GRIN3A: variants seen among roughly 807,000 people sequenced by gnomAD.
The protein encoded by GRIN3A is glutamate ionotropic receptor NMDA type subunit 3A, also known as glutamate receptor ionotropic, NMDA 3A.
Under a neutral mutation model 92.4 loss-of-function variants are expected in GRIN3A, and 47 were observed. The observed-to-expected ratio is 0.51, with a 90% CI of 0.40 to 0.65. The LOEUF (loss-of-function observed/expected upper bound fraction) is 0.65. GRIN3A is among the 30% of genes least tolerant of loss of function. GRIN3A has a pLI of 0.00. For missense variants in GRIN3A, 1,324 were observed against 1,393.1 expected (o/e 0.95, Z 0.79); for synonymous variants, 527 against 540.6 (o/e 0.97, Z 0.35).
At chr9:101,727,291 A>AT (rs1830091924) in intron 1 of GRIN3A, among the ~76,000 whole-genome samples, 1 of 152,252 alleles carries the variant, frequency 6.6e-6, no homozygotes, top group Admixed American at 6.5e-5. Flanking sequence ...AGGGAAATCC[A>AT]TAAAGTAGGA....
intron 2 of GRIN3A, among the ~76,000 whole-genome samples, chr9:101,671,393 A>C (rs566990928): frequency 6.6e-6 from 1 of 152,254 alleles, no homozygotes; most frequent in East Asian, 1.9e-4. Flanking sequence ...TAGTTAAGAG[A>C]TGTGTTAACC....
At chr9:101,620,215 C>T (rs1259401245) in intron 5 of GRIN3A, among the ~76,000 whole-genome samples, 1 of 152,106 alleles carries the variant, frequency 6.6e-6, no homozygotes, top group African/African-American at 2.4e-5. Context: ...AAGATCAGGG[C>T]AATGGTAGAT....
intron 1 of GRIN3A, among the ~76,000 whole-genome samples, chr9:101,690,940 G>A (rs1412250454): frequency 6.6e-6 from 1 of 151,980 alleles, no homozygotes; most frequent in African/African-American, 2.4e-5. Flanking sequence ...GGCCATTAAA[G>A]AGCTAAAAGT....
intron 1 of GRIN3A, among the ~76,000 whole-genome samples, chr9:101,734,908 G>A (rs1403904096): frequency 6.6e-6 from 1 of 151,890 alleles, no homozygotes; most frequent in African/African-American, 2.4e-5. Flanking sequence ...GAGGATGGTG[G>A]CTAGATTAAG....
intron 6 of GRIN3A, among the ~76,000 whole-genome samples, chr9:101,605,362 GTTT>G (rs1828265649): frequency 6.6e-6 from 1 of 152,216 alleles, no homozygotes; most frequent in Non-Finnish European, 1.5e-5. Context: ...AAATATCTCA[GTTT>G]TGCAGTGTAG....
At position 101,683,847 on chromosome 9, in the gene GRIN3A, T is replaced by TGA. The variant is rs55960998; in HGVS notation, c.1304+2747_1304+2748dup. 8.0e-3 allele frequency among the ~76,000 whole-genome samples: 1,087 copies of TGA among 136,258 alleles called. 17 individuals carry two copies. The highest frequency in any genetic ancestry group is 0.062 in the East Asian group (280 of 4,494). The allele number at this position is 136,258 out of a possible 152,430, so 89.4% of individuals were successfully genotyped here. ...CATAAGGAGAGAGAGAGAGAGACAG[T>TGA]GAGAGAGAGAGAGAGAGAGAGAGAG... On this transcript the variant is annotated intron_variant, in intron 2 of 8. Transcript: ENST00000361820.
intron 3 of GRIN3A, among the ~76,000 whole-genome samples, chr9:101,647,267 T>C (rs936523892): frequency 9.2e-5 from 14 of 152,046 alleles, no homozygotes; most frequent in Admixed American, 8.5e-4. Context: ...TTTTTTGTTC[T>C]TGATTCTGTT....
chr9:101,583,741 T>G (rs78876754), intron 6 of GRIN3A, among the ~76,000 whole-genome samples: 7,025 of 152,166 alleles, frequency 0.046, 235 homozygotes, highest in South Asian at 0.086. Flanking sequence ...GTTTTGAGGT[T>G]GTTGTTTTTT....
intron 3 of GRIN3A, among the ~76,000 whole-genome samples, chr9:101,630,492 G>C (rs1828696888): frequency 6.6e-6 from 1 of 152,142 alleles, no homozygotes; most frequent in East Asian, 1.9e-4. Context: ...TTTACATAAA[G>C]AAACTGAAGA....
rs192490679 is a variant in GRIN3A at position 101,672,760 on chromosome 9, T to G, written c.1305-1653A>C. ...AGTGAAACTGTTCATTTTGGAAGAT[T>G]GTTTGTAATGGTAATTATTCATGTT... On this transcript the variant is annotated intron_variant, in intron 2 of 8. Coordinates refer to ENST00000361820, the MANE Select transcript of GRIN3A (RefSeq NM_133445.3). Among the ~76,000 whole-genome samples, 15 of 152,266 alleles carry G rather than the reference T, an allele frequency of 9.9e-5. No homozygotes were observed. In the East Asian group the frequency reaches 1.9e-3, roughly 20 times the overall value.
intron 8 of GRIN3A, 57 bp downstream of exon 8, chr9:101,577,711 A>C (rs1827842870): frequency 8.4e-7 from 1 of 1,183,966 alleles, no homozygotes; most frequent in Non-Finnish European, 1.3e-6. Context: ...TTATACAGTT[A>C]GATCTCTAAA....
intron 1 of GRIN3A, among the ~76,000 whole-genome samples, chr9:101,702,230 A>T (rs779608607): frequency 6.6e-6 from 1 of 152,158 alleles, no homozygotes; most frequent in Non-Finnish European, 1.5e-5. Flanking sequence ...TGAACCTGGG[A>T]GGCAGAGGTT....
At chr9:101,724,888 T>C (rs1440433485) in intron 1 of GRIN3A, among the ~76,000 whole-genome samples, 1 of 152,236 alleles carries the variant, frequency 6.6e-6, no homozygotes, top group Non-Finnish European at 1.5e-5. Flanking sequence ...AATGAACTAA[T>C]ACAGTACATG....
At chr9:101,597,708 A>G (rs1253032187) in intron 6 of GRIN3A, among the ~76,000 whole-genome samples, 5 of 152,224 alleles carry the variant, frequency 3.3e-5, no homozygotes, top group African/African-American at 9.6e-5. Context: ...AAAAAATAGA[A>G]CAGCAGATAA....
At chr9:101,649,378 C>T (rs1828980977) in intron 3 of GRIN3A, among the ~76,000 whole-genome samples, 2 of 152,110 alleles carry the variant, frequency 1.3e-5, no homozygotes, top group African/African-American at 4.8e-5. Context: ...TTGCTGCAAA[C>T]AGTGCCCTGC....
chr9:101,654,191 GT>G (rs530152436), intron 3 of GRIN3A, among the ~76,000 whole-genome samples: 1 of 150,328 alleles, frequency 6.7e-6, no homozygotes, highest in African/African-American at 2.4e-5. Flanking sequence ...TGAATCTTAA[GT>G]TTTTTTTTCT....
intron 3 of GRIN3A, among the ~76,000 whole-genome samples, chr9:101,640,951 C>T (rs558856987): frequency 6.6e-6 from 1 of 152,158 alleles, no homozygotes; most frequent in South Asian, 2.1e-4. Context: ...AATACACAGA[C>T]TAAACATGAA....
intron 1 of GRIN3A, among the ~76,000 whole-genome samples, chr9:101,701,332 C>T (rs1450494132): frequency 1.3e-5 from 2 of 152,104 alleles, no homozygotes; most frequent in African/African-American, 4.8e-5. Flanking sequence ...CGTATTAAGT[C>T]TAGTACCCAT....
chr9:101,682,748 C>T lies in GRIN3A; in HGVS notation c.1304+3848G>A, dbSNP rs926467773. ...CTGTAATCCCAGCACTTCGGGAGGCCGAGGCGGGCGGATCATGAGGTCAGG... is the reference window on the plus strand; with the variant it reads ...CTGTAATCCCAGCACTTCGGGAGGCTGAGGCGGGCGGATCATGAGGTCAGG... On this transcript the variant is annotated intron_variant, in intron 2 of 8. Coordinates refer to ENST00000361820, the MANE Select transcript of GRIN3A (RefSeq NM_133445.3). Among the ~76,000 whole-genome samples, 4 of 152,096 alleles carry T rather than the reference C, an allele frequency of 2.6e-5. No homozygotes were observed. In the East Asian group the frequency reaches 5.8e-4, roughly 22 times the overall value.
Sources: gnomAD v4.1 joint callset for allele counts (sites outside exome capture counted in the v4.1 genomes callset) on GRCh38, gnomAD v4.1.1 for gene constraint, MANE v1.5 for transcripts, NCBI Gene and HGNC (gene_info 2026-07-23, HGNC 2026-07-21) for gene names.